Variants in LRMDA observed in about 807,000 individuals in gnomAD.
The protein encoded by LRMDA is leucine rich melanocyte differentiation associated.
LRMDA carries 18 observed loss-of-function variants against 29.8 expected under a neutral mutation model. The observed-to-expected ratio is 0.60, with a 90% confidence interval of 0.42 to 0.90. The LOEUF is 0.90. Ranked by LOEUF, LRMDA falls within the 40% of genes least tolerant of loss-of-function variation. The pLI, the probability that LRMDA is intolerant of heterozygous loss-of-function variation, is 0.00. For missense variants in LRMDA, 273 were observed against 273.9 expected, an observed-to-expected ratio of 1.00 and a Z score of 0.02; for synonymous variants, 125 against 109.4, an observed-to-expected ratio of 1.14 and a Z score of -0.89.
chr10:76,225,870 TC>T (rs1374025544), intron 5 of LRMDA, among the ~76,000 whole-genome samples: 17 of 95,944 alleles, frequency 1.8e-4, no homozygotes, highest in African/African-American at 5.5e-4. Flanking sequence ...ATGCTATCCC[TC>T]CCCCCTCCCC....
rs145187117 is a variant in LRMDA at position 75,502,693 on chromosome 10, G to C, written c.131+64199G>C. On this transcript the variant is annotated intron_variant, in intron 2 of 6. Transcript: ENST00000611255. ...CTTGCTGTTTCTTCCAAAGGGTTCA[G>C]AGGCCTCCTGAGGCACTAGTGGGTA... is the stretch of plus-strand genomic sequence containing the variant. Among the ~76,000 whole-genome samples, 7 of 152,332 alleles carry C rather than the reference G, an allele frequency of 4.6e-5. No individual in the cohort carries two copies. The East Asian group carries it at 1.4e-3, about 29-fold the overall frequency.
At chr10:75,524,173 A>C (rs1391607826) in intron 2 of LRMDA, among the ~76,000 whole-genome samples, 1 of 152,202 alleles carries the variant, frequency 6.6e-6, no homozygotes, top group East Asian at 1.9e-4. Context: ...ACGACTTTAT[A>C]GTGGGAGAAT....
chr10:75,991,518 A>G (rs1706851130), intron 2 of LRMDA, among the ~76,000 whole-genome samples: 1 of 152,198 alleles, frequency 6.6e-6, no homozygotes, highest in African/African-American at 2.4e-5. Flanking sequence ...ACAGGAAGGA[A>G]TCTCAAGGAG....
intron 6 of LRMDA, among the ~76,000 whole-genome samples, chr10:76,516,450 C>A (rs558836917): frequency 1.3e-5 from 2 of 151,986 alleles, no homozygotes; most frequent in African/African-American, 4.8e-5. Flanking sequence ...CCCATTAACT[C>A]GTCATTTAGC....
At chr10:75,834,166 T>C (rs1844393710) in intron 2 of LRMDA, among the ~76,000 whole-genome samples, 1 of 152,338 alleles carries the variant, frequency 6.6e-6, no homozygotes, top group South Asian at 2.1e-4. Flanking sequence ...TTTCTGCTAG[T>C]ATAACATTCT....
At chr10:76,138,641 A>T (rs1850141470) in intron 5 of LRMDA, among the ~76,000 whole-genome samples, 1 of 152,182 alleles carries the variant, frequency 6.6e-6, no homozygotes. Context: ...AATTGAAATC[A>T]TACATCAAAT....
intron 2 of LRMDA, among the ~76,000 whole-genome samples, chr10:76,003,708 A>G (rs1253991544): frequency 2.6e-5 from 4 of 152,164 alleles, no homozygotes; most frequent in South Asian, 4.1e-4. Context: ...TGAAGGACAA[A>G]AAGATTATAA....
intron 2 of LRMDA, among the ~76,000 whole-genome samples, chr10:75,878,048 G>A (rs922975847): frequency 6.6e-6 from 1 of 152,112 alleles, no homozygotes; most frequent in African/African-American, 2.4e-5. Flanking sequence ...TTTGGACTCC[G>A]ACCCCACAGC....
intron 5 of LRMDA, among the ~76,000 whole-genome samples, chr10:76,246,164 G>C (rs117755314): frequency 6.6e-6 from 1 of 152,104 alleles, no homozygotes; most frequent in South Asian, 2.1e-4. Context: ...CTGGTTCCAC[G>C]CGGTACTACT....
intron 5 of LRMDA, among the ~76,000 whole-genome samples, chr10:76,166,471 C>T (rs1850742436): frequency 6.6e-6 from 1 of 152,166 alleles, no homozygotes; most frequent in South Asian, 2.1e-4. Context: ...CTCCTCTCAA[C>T]CTCTACCCTC....
chr10:75,810,425 A>C (rs1589214377), intron 2 of LRMDA, among the ~76,000 whole-genome samples: 1 of 152,082 alleles, frequency 6.6e-6, no homozygotes, highest in African/African-American at 2.4e-5. Context: ...CAGTGGAGGG[A>C]GAAGGTGTGC....
chr10:75,766,345 G>C (rs1843167621), intron 2 of LRMDA, among the ~76,000 whole-genome samples: 1 of 152,196 alleles, frequency 6.6e-6, no homozygotes, highest in African/African-American at 2.4e-5. Context: ...GTCTGTCCCA[G>C]TGCTGTGGGC....
intron 2 of LRMDA, among the ~76,000 whole-genome samples, chr10:75,889,199 G>A (rs776601613): frequency 4.6e-5 from 7 of 152,296 alleles, no homozygotes; most frequent in Admixed American, 6.5e-5. Context: ...GACCTGCCTA[G>A]TAAAGAATAT....
At chr10:76,267,642 C>T (rs1222964481) in intron 5 of LRMDA, among the ~76,000 whole-genome samples, 1 of 152,142 alleles carries the variant, frequency 6.6e-6, no homozygotes, top group Non-Finnish European at 1.5e-5. Flanking sequence ...AAGCCTATTT[C>T]AGAAATACAT....
At chr10:76,277,909 G>A (rs1469215607) in intron 5 of LRMDA, among the ~76,000 whole-genome samples, 1 of 152,080 alleles carries the variant, frequency 6.6e-6, no homozygotes, top group Non-Finnish European at 1.5e-5. Context: ...GTTTACTTTT[G>A]GGCTTTGGAT....
chr10:76,411,877 A>G (rs1315798033), intron 6 of LRMDA, among the ~76,000 whole-genome samples: 1 of 152,236 alleles, frequency 6.6e-6, no homozygotes, highest in East Asian at 1.9e-4. Flanking sequence ...GCCAGAAAGC[A>G]ACAGCGGGGA....
At chr10:75,784,974 G>A (rs1331582844) in intron 2 of LRMDA, among the ~76,000 whole-genome samples, 1 of 152,186 alleles carries the variant, frequency 6.6e-6, no homozygotes. Context: ...AAGGAACACA[G>A]TCTTCTCTAG....
chr10:75,805,724 G>C (rs1031486029), intron 2 of LRMDA, among the ~76,000 whole-genome samples: 3 of 152,174 alleles, frequency 2.0e-5, no homozygotes, highest in Admixed American at 6.5e-5. Context: ...ATGAACCTCT[G>C]TATGTGGCAC....
chr10:75,473,433 C>T (rs901413061), intron 2 of LRMDA, among the ~76,000 whole-genome samples: 13 of 152,160 alleles, frequency 8.5e-5, no homozygotes, highest in South Asian at 8.3e-4. Flanking sequence ...GGAGGTGATG[C>T]GTTTCCGAAG....
Sources: gnomAD v4.1 joint callset for allele counts (sites outside exome capture counted in the v4.1 genomes callset) on GRCh38, gnomAD v4.1.1 for gene constraint, MANE v1.5 for transcripts, NCBI Gene and HGNC (gene_info 2026-07-23, HGNC 2026-07-21) for gene names.